POMT2: variants seen among roughly 807,000 people sequenced by gnomAD.
POMT2 encodes the protein protein O-mannosyl-transferase 2.
A neutral mutation model predicts 100.0 loss-of-function variants in POMT2; 75 were observed. That is an observed-to-expected ratio of 0.75 (90% confidence interval 0.62 to 0.91). The LOEUF (loss-of-function observed/expected upper bound fraction) is 0.91, where lower values mean the gene tolerates loss of function less well. Among genes scored for constraint, POMT2 ranks in the 40% least tolerant of loss-of-function variants. POMT2 has a pLI of 0.00. For synonymous variants in POMT2, 378 were observed against 374.1 expected (o/e 1.01, Z -0.12); for missense variants, 940 against 955.1 (o/e 0.98, Z 0.21).
chr14:77,278,478 C>A lies in POMT2; in HGVS notation c.2063G>T (p.Cys688Phe). The A allele has an allele frequency of 6.7e-7, 1 of 1,498,820 alleles. No homozygotes were observed. The highest frequency in any genetic ancestry group is 9.1e-7 in the Non-Finnish European group (1 of 1,100,024). 92.8% of individuals were successfully genotyped at this position (1,498,820 alleles called of 1,614,324 possible). The stretch of plus-strand genomic sequence containing the variant: ...GGGCCATGAGGCCAAGCCCCAGGCA[C>A]AGAGCCGCAGGAGGGTGTCCCACAG... ...GILWDTLLRL[C>F]AWGLASWPLA... Residue 688 changes from cysteine to phenylalanine, a missense_variant, in exon 20 of 21, where the codon TGT becomes TTT. By Grantham distance (205) the Cys-to-Phe change is radical. Transcript: ENST00000261534.
At chr14:77,282,972 C>T (rs989084349) in intron 15 of POMT2, among the ~76,000 whole-genome samples, 3 of 152,168 alleles carry the variant, frequency 2.0e-5, no homozygotes, top group African/African-American at 7.2e-5. Flanking sequence ...GGGGGTCTTC[C>T]ACTAAACAGC....
Position 77,278,800 on chromosome 14 carries a change from A to C in POMT2, c.1961T>G (p.Phe654Cys), listed in dbSNP as rs769782374. 2 of 1,613,732 alleles carry C rather than the reference A, an allele frequency of 1.2e-6. No homozygotes were observed. The highest frequency in any genetic ancestry group is 4.5e-5 in the East Asian group (2 of 44,870). ...LLGWTLHYFP[F>C]FLMGRVLYFH... ...GTAGAGGACCCGGCCCATCAGGAAA[A>C]ACGGGAAGTAATGGAGTGTCCAGCC... The change falls in exon 19 of 21, where the codon TTT (phenylalanine) becomes TGT (cysteine). Residue 654 changes from phenylalanine to cysteine, a missense_variant. Physicochemically the swap from Phe to Cys is radical, Grantham distance 205 (BLOSUM62 -2). Coordinates refer to ENST00000261534, the MANE Select transcript of POMT2 (RefSeq NM_013382.7).
intron 19 of POMT2, 30 bp from the exon 20 acceptor site, chr14:77,278,538 G>A: frequency 6.9e-7 from 1 of 1,446,974 alleles, no homozygotes; most frequent in Non-Finnish European, 9.4e-7. Context: ...CCTGGAGTCA[G>A]CCAGGCAGGG....
Position 77,306,388 on chromosome 14 carries a change from G to A in POMT2, c.387C>T (p.Phe129=). The change falls in exon 3 of 21, where the codon TTC becomes TTT. Residue 129 remains phenylalanine, a synonymous_variant. Coordinates refer to ENST00000261534, the MANE Select transcript of POMT2 (RefSeq NM_013382.7). ...GCTCATATTTATCCCCAGGCTTCTG[G>A]AACAAAAAGGTACCATCATATCCAC... ...YLSGYDGTFL[F]QKPGDKYEHH... 4 of 1,613,200 alleles carry A rather than the reference G, an allele frequency of 2.5e-6. No homozygotes were observed. Among genetic ancestry groups the A allele is most frequent in the East Asian group, 2.2e-5 (1 of 44,876 alleles).
At chr14:77,316,213 T>C (rs1891620096) in intron 1 of POMT2, among the ~76,000 whole-genome samples, 1 of 152,166 alleles carries the variant, frequency 6.6e-6, no homozygotes, top group South Asian at 2.1e-4. Flanking sequence ...TGGCCTAGTA[T>C]TCCCACTTTG....
At chr14:77,291,182 T>G in intron 10 of POMT2, 132 bp downstream of exon 10, 12 of 811,854 alleles carry the variant, frequency 1.5e-5, no homozygotes, top group South Asian at 2.9e-5. Context: ...AAAGGATAAT[T>G]GAGATAAGTA....
In POMT2 at chr14:77,291,362, T is replaced by C. The variant is rs777172630; in HGVS notation, c.1135A>G (p.Lys379Glu). ...ATAATCCACAGGTTGTTGTAGTCCT[T>C]GTGCAAATAGGTGGTGACCTGGGTG... Reference protein sequence around the residue: ...RQQQVTTYLHKDYNNLWIIKK... With the variant: ...RQQQVTTYLHEDYNNLWIIKK... The change falls in exon 10 of 21, where the codon AAG (lysine) becomes GAG (glutamate). Residue 379 changes from lysine to glutamate, a missense_variant. By Grantham distance (56) the Lys-to-Glu change is moderately conservative. Coordinates refer to ENST00000261534, the MANE Select transcript of POMT2 (RefSeq NM_013382.7). 6 of 1,343,680 alleles carry C rather than the reference T, an allele frequency of 4.5e-6. No homozygotes were observed. The Admixed American group carries it at 1.1e-4, about 24-fold the overall frequency. The allele number at this position is 1,343,680 out of a possible 1,614,324, so 83.2% of individuals were successfully genotyped here.
At chr14:77,281,001 G>A (rs573445224) in intron 15 of POMT2, among the ~76,000 whole-genome samples, 2 of 152,208 alleles carry the variant, frequency 1.3e-5, no homozygotes, top group African/African-American at 2.4e-5. Flanking sequence ...GGCTGAGGCA[G>A]GAGAACCACT....
chr14:77,304,945 T>A, intron 3 of POMT2, 145 bp from the exon 4 acceptor site: 1 of 1,412,688 alleles, frequency 7.1e-7, no homozygotes, highest in Non-Finnish European at 9.6e-7. Flanking sequence ...TATCTATAAC[T>A]AAGAAAAGAG....
At chr14:77,319,604 C>G (rs1228611435) in intron 1 of POMT2, 2 of 152,272 alleles carry the variant, frequency 1.3e-5, no homozygotes, top group Non-Finnish European at 2.9e-5. Flanking sequence ...TTCTATAAAA[C>G]AGCAGATTTT....
intron 10 of POMT2, among the ~76,000 whole-genome samples, chr14:77,290,915 C>T (rs1230738646): frequency 6.6e-6 from 1 of 152,178 alleles, no homozygotes; most frequent in Non-Finnish European, 1.5e-5. Flanking sequence ...TTAAGCTGCA[C>T]CACATGCTAG....
intron 4 of POMT2, 29 bp from the exon 5 acceptor site, chr14:77,302,972 A>G (rs986451083): frequency 7.1e-6 from 11 of 1,558,866 alleles, no homozygotes; most frequent in Middle Eastern, 1.7e-4. Flanking sequence ...CTGGTGAAAA[A>G]GCGAGGTAAG....
intron 11 of POMT2, chr14:77,287,512 GTCTCTGTCTCTC>G (rs1230899406): frequency 1.3e-4 from 12 of 94,600 alleles, no homozygotes; most frequent in African/African-American, 3.9e-4. Context: ...TTCTCTCTCT[GTCTCTGTCTCTC>G]TCTCTCTCTC....
intron 1 of POMT2, among the ~76,000 whole-genome samples, chr14:77,317,497 C>T (rs1284407314): frequency 6.6e-6 from 1 of 152,226 alleles, no homozygotes; most frequent in African/African-American, 2.4e-5. Context: ...TTCGATGGAC[C>T]TCCCACACTC....
rs1263576526 is a variant in POMT2, at chr14:77,285,467, C to T, written c.1484+14G>A. ...AGGACCCTCGATTGGGACAGCAAAA[C>T]CCTAGAGACTTACCACTTGGGCAGA... On this transcript the variant is annotated intron_variant, in intron 13 of 20. Coordinates refer to ENST00000261534, the MANE Select transcript of POMT2 (RefSeq NM_013382.7). 5 of 1,613,964 alleles carry T rather than the reference C, an allele frequency of 3.1e-6. No individual in the cohort carries two copies. The Admixed American group carries it at 5.0e-5, about 16-fold the overall frequency.
chr14:77,280,560 G>A lies in POMT2; in HGVS notation c.1654-97C>T, dbSNP rs150492717. On this transcript the variant is annotated intron_variant, in intron 15 of 20. Transcript: ENST00000261534. ...TTTTTCTGATATAGGGCCAAGCGCCGAGCAGAACCTTCTCTCCTTCCCTTC... is the reference window on the plus strand; with the variant it reads ...TTTTTCTGATATAGGGCCAAGCGCCAAGCAGAACCTTCTCTCCTTCCCTTC... 8,826 of 1,588,284 alleles carry A rather than the reference G, an allele frequency of 5.6e-3. 49 individuals carry two copies. The highest frequency in any genetic ancestry group is 0.031 in the Middle Eastern group (187 of 6,030).
At chr14:77,285,688 C>T (rs1166504473) in intron 12 of POMT2, 56 bp from the exon 13 acceptor site, 12 of 1,570,668 alleles carry the variant, frequency 7.6e-6, no homozygotes, top group East Asian at 2.2e-5. Context: ...TTAGAGAAAA[C>T]GTGTCAGAAA....
intron 11 of POMT2, among the ~76,000 whole-genome samples, chr14:77,288,067 ATT>A (rs1890500340): frequency 6.6e-6 from 1 of 152,160 alleles, no homozygotes; most frequent in Non-Finnish European, 1.5e-5. Flanking sequence ...AACTTAATAA[ATT>A]TACCACTTTG....
chr14:77,278,923 A>C lies in POMT2; in HGVS notation c.1892-54T>G, dbSNP rs547674552. 3.2e-6 allele frequency: 5 copies of C among 1,579,594 alleles called. No individual in the cohort carries two copies. The East Asian group carries it at 9.1e-5, about 29-fold the overall frequency. The stretch of plus-strand genomic sequence containing the variant: ...AAGACAAGGAGCGGGCAGAGATTCC[A>C]GGCTCTGGTCCAGCTCTGCCCCTTC... On this transcript the variant is annotated intron_variant, in intron 18 of 20. Transcript: ENST00000261534.
Sources: allele counts gnomAD v4.1 joint callset (sites outside exome capture counted in the v4.1 genomes callset), GRCh38; gene constraint gnomAD v4.1.1; transcripts MANE v1.5; gene names NCBI Gene and HGNC (gene_info 2026-07-23, HGNC 2026-07-21).